Variants in RBFOX3 observed in about 807,000 individuals in gnomAD.
RBFOX3 encodes the protein RNA binding protein fox-1 homolog 3.
Under a neutral mutation model 48.7 loss-of-function variants are expected in RBFOX3, and 17 were observed. That is an observed-to-expected ratio of 0.35 (90% CI 0.24 to 0.52). The LOEUF is 0.52. Ranked by LOEUF, RBFOX3 falls within the 20% of genes least tolerant of loss-of-function variation. RBFOX3 has a pLI of 0.94. For synonymous variants in RBFOX3, 212 were observed against 209.5 expected (o/e 1.01, Z -0.10); for missense variants, 382 against 497.5 (o/e 0.77, Z 2.21).
chr17:79,263,284 G>A lies in RBFOX3; in HGVS notation c.-73-27479C>T, dbSNP rs368255041. Among the ~76,000 whole-genome samples, 19 of 152,340 alleles carry A rather than the reference G, an allele frequency of 1.2e-4. No homozygotes were observed. The East Asian group carries it at 1.9e-3, about 15-fold the overall frequency. ...TGATTTCTGCTCTTTCCTCTCTCCC[G>A]GCCCAGCATTGGGAAGGTGGCCAGC... On this transcript the variant is annotated intron_variant, in intron 3 of 14. Transcript: ENST00000693108.
intron 4 of RBFOX3, among the ~76,000 whole-genome samples, chr17:79,116,492 G>A (rs905411307): frequency 1.3e-5 from 2 of 152,258 alleles, no homozygotes; most frequent in African/African-American, 2.4e-5. Flanking sequence ...TCCAGCCTGG[G>A]TGATGAGAGC....
chr17:79,266,259 T>G (rs2066683370), intron 3 of RBFOX3, among the ~76,000 whole-genome samples: 1 of 152,206 alleles, frequency 6.6e-6, no homozygotes. Context: ...CTGGACTTCT[T>G]GGCACATTCC....
intron 2 of RBFOX3, among the ~76,000 whole-genome samples, chr17:79,381,937 A>G (rs1207251946): frequency 1.3e-5 from 2 of 152,186 alleles, no homozygotes; most frequent in Admixed American, 6.5e-5. Flanking sequence ...CGGTGTCACC[A>G]TCATCACAAA....
the RBFOX3 span, among the ~76,000 whole-genome samples, chr17:79,634,086 G>A: frequency 6.6e-6 from 1 of 152,190 alleles, no homozygotes; most frequent in African/African-American, 2.4e-5. Context: ...GCCCGGCATT[G>A]GGCATCCCAT....
intron 1 of RBFOX3, among the ~76,000 whole-genome samples, chr17:79,485,784 C>T (rs1011710221): frequency 8.5e-5 from 13 of 152,342 alleles, no homozygotes; most frequent in Middle Eastern, 3.4e-3. Context: ...TGCCTGCGCT[C>T]GAGCCTCCTT....
At chr17:79,410,964 G>A (rs770043276) in intron 2 of RBFOX3, among the ~76,000 whole-genome samples, 8 of 152,146 alleles carry the variant, frequency 5.3e-5, no homozygotes, top group Non-Finnish European at 1.0e-4. Context: ...TGCACCACAC[G>A]GCTGGGCTGG....
At chr17:79,148,392 C>G (rs544573056) in intron 4 of RBFOX3, among the ~76,000 whole-genome samples, 1 of 152,220 alleles carries the variant, frequency 6.6e-6, no homozygotes, top group Non-Finnish European at 1.5e-5. Context: ...TGCCCCACTG[C>G]TGGGGCCTGG....
chr17:79,252,253 A>C lies in RBFOX3; in HGVS notation c.-73-16448T>G, dbSNP rs1177246699. Among the ~76,000 whole-genome samples the C allele has an allele frequency of 6.6e-6, 1 of 150,748 alleles. No homozygotes were observed. Among genetic ancestry groups the C allele is most frequent in the Non-Finnish European group, 1.5e-5 (1 of 67,550 alleles). Reference sequence around the variant, plus strand: ...CTTCAACCCGCACCCTGATGCCAGCAATGCCCACTCTAGCCGAGTTCCCTG... The same window carrying C: ...CTTCAACCCGCACCCTGATGCCAGCCATGCCCACTCTAGCCGAGTTCCCTG... On this transcript the variant is annotated intron_variant, in intron 3 of 14. Transcript: ENST00000693108. The surrounding 1 kb of genome is among the most constrained non-coding windows in gnomAD (Gnocchi z 4.0).
intron 1 of RBFOX3, among the ~76,000 whole-genome samples, chr17:79,536,553 A>AC (rs1555788752): frequency 6.6e-6 from 1 of 152,260 alleles, no homozygotes; most frequent in Non-Finnish European, 1.5e-5. Flanking sequence ...AGCCCCGTCA[A>AC]CGGTGATCCA....
At chr17:79,637,870 A>T in the RBFOX3 span, among the ~76,000 whole-genome samples, 1 of 152,094 alleles carries the variant, frequency 6.6e-6, no homozygotes, top group African/African-American at 2.4e-5. Context: ...CAAATTCAAG[A>T]TGATCTAAAT....
intron 4 of RBFOX3, among the ~76,000 whole-genome samples, chr17:79,201,599 ATC>A (rs2056765962): frequency 6.6e-6 from 1 of 151,974 alleles, no homozygotes; most frequent in South Asian, 2.1e-4. Context: ...ACTGTTCACG[ATC>A]TCTCTTCTCT....
chr17:79,095,280 G>A (rs1011700620), intron 13 of RBFOX3, among the ~76,000 whole-genome samples: 1 of 152,162 alleles, frequency 6.6e-6, no homozygotes, highest in Non-Finnish European at 1.5e-5. Flanking sequence ...TCAGAGATGC[G>A]GTCTCCACCT....
In RBFOX3 at chr17:79,482,019, C is replaced by T. The variant is rs2078854122; in HGVS notation, c.-175+435G>A. ...GTGGGAACAGAGGCATCATGCCGTC[C>T]CCTCTAGAGCCACAGGAAGGCTTCA... On this transcript the variant is annotated intron_variant, in intron 2 of 14. Coordinates refer to ENST00000693108, the MANE Select transcript of RBFOX3 (RefSeq NM_001350451.2). This position sits in a 1 kb window ranked among gnomAD's most constrained non-coding sequence, Gnocchi z 4.1. Among the ~76,000 whole-genome samples the T allele has an allele frequency of 6.6e-6, 1 of 152,098 alleles. No homozygotes were observed. Among genetic ancestry groups the T allele is most frequent in the Admixed American group, 6.5e-5 (1 of 15,270 alleles).
intron 4 of RBFOX3, among the ~76,000 whole-genome samples, chr17:79,135,309 G>T (rs2039933892): frequency 6.6e-6 from 1 of 152,160 alleles, no homozygotes; most frequent in Non-Finnish European, 1.5e-5. Context: ...TGGCGGTGGG[G>T]TCCCTGGGGA....
At chr17:79,606,032 G>A (rs2145454181) in intron 1 of RBFOX3, among the ~76,000 whole-genome samples, 1 of 152,312 alleles carries the variant, frequency 6.6e-6, no homozygotes, top group East Asian at 1.9e-4. Context: ...TGACTGCAGA[G>A]CCTTCGATAC....
chr17:79,358,979 A>G (rs954314273), intron 2 of RBFOX3, among the ~76,000 whole-genome samples: 1 of 152,230 alleles, frequency 6.6e-6, no homozygotes, highest in Admixed American at 6.5e-5. Context: ...CACGAGTGGC[A>G]CAGGGAAGCT....
chr17:79,359,676 G>A (rs1261681184), intron 2 of RBFOX3, among the ~76,000 whole-genome samples: 1 of 152,104 alleles, frequency 6.6e-6, no homozygotes, highest in African/African-American at 2.4e-5. Context: ...GGCTCTGCAG[G>A]GGCCTCTTGG....
chr17:79,137,527 C>T (rs2040513179), intron 4 of RBFOX3, among the ~76,000 whole-genome samples: 1 of 152,244 alleles, frequency 6.6e-6, no homozygotes, highest in African/African-American at 2.4e-5. Flanking sequence ...TGCACACCTA[C>T]ACACATTTCC....
chr17:79,262,325 A>G (rs2065923429), intron 3 of RBFOX3, among the ~76,000 whole-genome samples: 1 of 152,198 alleles, frequency 6.6e-6, no homozygotes, highest in Non-Finnish European at 1.5e-5. Context: ...TGGGTAGGAA[A>G]GGGGTGGCCA....
Sources: allele counts gnomAD v4.1 joint callset (sites outside exome capture counted in the v4.1 genomes callset), GRCh38; gene constraint gnomAD v4.1.1; non-coding constraint Gnocchi (gnomAD v3.1); transcripts MANE v1.5; gene names NCBI Gene and HGNC (gene_info 2026-07-23, HGNC 2026-07-21).